The following PCNX2 variants were observed in gnomAD, a reference collection of about 807,000 sequenced individuals.
PCNX2 encodes pecanex 2.
Under a neutral mutation model 223.8 loss-of-function variants are expected in PCNX2, and 168 were observed. That is an observed-to-expected ratio of 0.75 (90% CI 0.66 to 0.85). The LOEUF is 0.85. PCNX2 is among the 40% of genes least tolerant of loss of function. The pLI is 0.00. For synonymous variants in PCNX2, 1,006 were observed against 1,052.6 expected (o/e 0.96, Z 0.86); for missense variants, 2,507 against 2,675.5 (o/e 0.94, Z 1.39).
intron 31 of PCNX2, among the ~76,000 whole-genome samples, chr1:232,998,894 A>T (rs1345333711): frequency 6.6e-6 from 1 of 152,212 alleles, no homozygotes; most frequent in Non-Finnish European, 1.5e-5. Context: ...GGGGAAAGAG[A>T]TTCTCATCCA....
intron 8 of PCNX2, among the ~76,000 whole-genome samples, chr1:233,237,708 A>G (rs578112925): frequency 3.3e-4 from 50 of 152,188 alleles, no homozygotes; most frequent in Non-Finnish European, 6.5e-4. Flanking sequence ...TGCCTACTCA[A>G]CAGGCATTTC....
In PCNX2 at chr1:233,109,445, T is replaced by C. The variant is rs78699879; in HGVS notation, c.3838-13582A>G. 1.2e-3 allele frequency among the ~76,000 whole-genome samples: 187 copies of C among 152,244 alleles called. 3 individuals carry two copies. In the East Asian group the frequency reaches 0.015, roughly 12 times the overall value. ...CTGGAAAACAACGCCGGATGAAAGATTGAATGGGTAATCTCCGCAGAGAGA... is the reference window on the plus strand; with the variant it reads ...CTGGAAAACAACGCCGGATGAAAGACTGAATGGGTAATCTCCGCAGAGAGA... On this transcript the variant is annotated intron_variant, in intron 21 of 33. Transcript: ENST00000258229.
At chr1:232,995,374 G>A (rs544944372) in intron 32 of PCNX2, among the ~76,000 whole-genome samples, 1 of 152,318 alleles carries the variant, frequency 6.6e-6, no homozygotes, top group South Asian at 2.1e-4. Flanking sequence ...TCCTTTGCTT[G>A]TAAAATGTAG....
chr1:233,066,224 A>G (rs4607815), intron 23 of PCNX2, among the ~76,000 whole-genome samples: 48,110 of 152,104 alleles, frequency 0.32, 10,288 homozygotes, highest in African/African-American at 0.61. Flanking sequence ...CCTGGGACCC[A>G]CCAAATGGCA....
intron 8 of PCNX2, among the ~76,000 whole-genome samples, chr1:233,249,935 TG>T (rs1001198187): frequency 6.6e-6 from 1 of 152,182 alleles, no homozygotes; most frequent in African/African-American, 2.4e-5. Flanking sequence ...CATAAACCCT[TG>T]GGAACACTTT....
chr1:233,177,963 C>T, intron 16 of PCNX2, 65 bp from the exon 17 acceptor site: 2 of 1,323,562 alleles, frequency 1.5e-6, no homozygotes, highest in East Asian at 4.7e-5. Flanking sequence ...CGGTAAATAA[C>T]TTCACCTTAG....
chr1:233,133,102 T>C (rs901532892), intron 21 of PCNX2, among the ~76,000 whole-genome samples: 1 of 152,018 alleles, frequency 6.6e-6, no homozygotes, highest in Admixed American at 6.6e-5. Context: ...TTTCGCCATG[T>C]TGCCCATCCT....
At chr1:233,084,393 C>T (rs375490520) in intron 23 of PCNX2, among the ~76,000 whole-genome samples, 4 of 152,308 alleles carry the variant, frequency 2.6e-5, no homozygotes, top group East Asian at 3.9e-4. Flanking sequence ...ACAGTACACT[C>T]GCATAGATGA....
intron 25 of PCNX2, among the ~76,000 whole-genome samples, chr1:233,034,427 G>A (rs1199854106): frequency 6.6e-6 from 1 of 152,160 alleles, no homozygotes; most frequent in East Asian, 1.9e-4. Context: ...ACCTGATCTT[G>A]GGCTTCCCAG....
chr1:233,268,656 G>C lies in PCNX2; in HGVS notation c.154-5493C>G, dbSNP rs920531468. ...CTAGCAACTTCAATGACCTGACTGA[G>C]AACCAGAGACTCAGGAGAAAGTAAT... is the stretch of plus-strand genomic sequence containing the variant. On this transcript the variant is annotated intron_variant, in intron 1 of 33. Transcript: ENST00000258229. 5.3e-5 allele frequency among the ~76,000 whole-genome samples: 8 copies of C among 152,296 alleles called. 1 individual carries two copies. Among genetic ancestry groups the C allele is most frequent in the African/African-American group, 1.9e-4 (8 of 41,562 alleles).
chr1:233,103,747 A>C (rs1674619769), intron 21 of PCNX2, among the ~76,000 whole-genome samples: 1 of 152,188 alleles, frequency 6.6e-6, no homozygotes, highest in African/African-American at 2.4e-5. Context: ...CAAACATAGG[A>C]GTGCAGATAT....
chr1:233,047,253 G>A, intron 25 of PCNX2: 1 of 544,052 alleles, frequency 1.8e-6, no homozygotes, highest in Non-Finnish European at 2.3e-6. Flanking sequence ...GTGGTGGCTG[G>A]TTATGCCTCA....
intron 10 of PCNX2, among the ~76,000 whole-genome samples, chr1:233,221,654 G>T (rs965600394): frequency 2.0e-5 from 3 of 152,120 alleles, no homozygotes; most frequent in Non-Finnish European, 4.4e-5. Context: ...AACAGAGCAA[G>T]GATAAACAAA....
intron 5 of PCNX2, among the ~76,000 whole-genome samples, chr1:233,257,182 ATTTAATTTTTATG>A (rs1434953431): frequency 6.6e-6 from 1 of 152,218 alleles, no homozygotes; most frequent in Non-Finnish European, 1.5e-5. Flanking sequence ...AGGAAATATC[ATTTAATTTTTATG>A]AGCAAGGACT....
At chr1:233,325,900 T>C in the PCNX2 span, among the ~76,000 whole-genome samples, 1 of 152,230 alleles carries the variant, frequency 6.6e-6, no homozygotes, top group East Asian at 1.9e-4. Flanking sequence ...CAGCTTCCCA[T>C]GCTACAGAGA....
At chr1:233,213,816 C>CTTTTTTT (rs71173256) in intron 12 of PCNX2, among the ~76,000 whole-genome samples, 1 of 65,226 alleles carries the variant, frequency 1.5e-5, no homozygotes, top group Non-Finnish European at 2.8e-5. Context: ...CCAGTGCACT[C>CTTTTTTT]TTTTTTTTTT....
chr1:233,294,840 A>C (rs201129502), intron 1 of PCNX2, among the ~76,000 whole-genome samples: 17 of 84,510 alleles, frequency 2.0e-4, no homozygotes, highest in African/African-American at 6.8e-4. Context: ...TTACAATGTG[A>C]GTAACTGATA....
the PCNX2 span, among the ~76,000 whole-genome samples, chr1:233,307,518 G>A: frequency 6.6e-6 from 1 of 152,186 alleles, no homozygotes; most frequent in Admixed American, 6.5e-5. Context: ...CAGCAGAACT[G>A]TGAGCCAGAT....
At chr1:233,085,942 T>C (rs1334755825) in intron 23 of PCNX2, among the ~76,000 whole-genome samples, 1 of 152,248 alleles carries the variant, frequency 6.6e-6, no homozygotes, top group Non-Finnish European at 1.5e-5. Context: ...CCATGAGATA[T>C]GATAAATTGT....
Sources: gnomAD v4.1 joint callset for allele counts (sites outside exome capture counted in the v4.1 genomes callset) on GRCh38, gnomAD v4.1.1 for gene constraint, MANE v1.5 for transcripts, NCBI Gene and HGNC (gene_info 2026-07-23, HGNC 2026-07-21) for gene names.